Variants in VAPA observed in about 807,000 individuals in gnomAD.
VAPA encodes the protein VAMP associated protein A.
In VAPA, 6 loss-of-function variants were observed where a neutral mutation model predicts 25.6. That is an observed-to-expected ratio of 0.23 (90% CI 0.13 to 0.46). VAPA has a LOEUF of 0.46. Among genes scored for constraint, VAPA ranks in the 20% least tolerant of loss-of-function variants. The probability of loss-of-function intolerance (pLI) is 0.99; values close to 1 mark genes in which losing one functional copy is unlikely to be tolerated. For synonymous variants in VAPA, 112 were observed against 106.2 expected, an observed-to-expected ratio of 1.05 and a Z score of -0.34; for missense variants, 244 against 302.1, an observed-to-expected ratio of 0.81 and a Z score of 1.43.
rs869048248 is a variant in VAPA at position 9,945,350 on chromosome 18, C to CTTTTTTTTT, written c.418-5025_418-5017dup. Among the ~76,000 whole-genome samples, 22 of 57,306 alleles carry CTTTTTTTTT rather than the reference C, an allele frequency of 3.8e-4. 4 individuals are homozygous for CTTTTTTTTT. Among genetic ancestry groups the CTTTTTTTTT allele is most frequent in the African/African-American group, 8.5e-4 (11 of 12,968 alleles). The allele number at this position is 57,306 out of a possible 152,430, so 37.6% of individuals were successfully genotyped here. A position where few individuals can be genotyped will look rare whatever the true frequency, so the allele number is the denominator to read the frequency against. On this transcript the variant is annotated intron_variant, in intron 4 of 5. Coordinates refer to ENST00000400000, the MANE Select transcript of VAPA (RefSeq NM_194434.3). ...TTCTTTGAGATTTGGGGAATATACT[C>CTTTTTTTTT]TTTTTTTTTTTTTTTTTTTTTTTTT...
chr18:9,928,223 CT>C, intron 1 of VAPA, among the ~76,000 whole-genome samples: 1 of 152,240 alleles, frequency 6.6e-6, no homozygotes, highest in South Asian at 2.1e-4. Flanking sequence ...CAGATGTTCA[CT>C]TTGTCATCAA....
At chr18:9,950,737 T>C (rs2069481577) in intron 5 of VAPA, 169 bp downstream of exon 5, 10 of 629,980 alleles carry the variant, frequency 1.6e-5, no homozygotes, top group Admixed American at 3.3e-5. Flanking sequence ...AGTCTTCCCG[T>C]GGTTTCTCAT....
In VAPA at chr18:9,920,261, T is replaced by C. The variant is rs148691737; in HGVS notation, c.79+5926T>C. Among the ~76,000 whole-genome samples the C allele has an allele frequency of 2.5e-3, 381 of 152,304 alleles. 4 individuals are homozygous for C. Among genetic ancestry groups the C allele is most frequent in the African/African-American group, 8.7e-3 (360 of 41,572 alleles). On this transcript the variant is annotated intron_variant, in intron 1 of 5. Transcript: ENST00000400000. ...ATAATTTCCTTACTTCAGGTCCTTT[T>C]ATATTTACTAGTCAGCAGACATCTC...
chr18:9,940,748 C>G (rs936843302), intron 4 of VAPA, among the ~76,000 whole-genome samples: 3 of 152,098 alleles, frequency 2.0e-5, no homozygotes, highest in Non-Finnish European at 2.9e-5. Flanking sequence ...GCTCACTGGC[C>G]TCGTCATTAT....
chr18:9,949,483 A>T (rs143294011), intron 4 of VAPA: 14 of 152,350 alleles, frequency 9.2e-5, no homozygotes, highest in African/African-American at 3.1e-4. Context: ...GTAGGTGTGC[A>T]GCCTCTGATA....
At chr18:9,933,843 A>T (rs541936900) in intron 2 of VAPA, among the ~76,000 whole-genome samples, 2 of 152,152 alleles carry the variant, frequency 1.3e-5, no homozygotes. Context: ...TGGCCAGAAG[A>T]TATAATTATT....
chr18:9,949,511 A>G (rs2069464642), intron 4 of VAPA: 1 of 152,196 alleles, frequency 6.6e-6, no homozygotes, highest in Admixed American at 6.5e-5. Context: ...TAAAATGAGT[A>G]TTGTGGAATG....
Position 9,914,205 on chromosome 18 carries a change from C to A in VAPA, c.-52C>A. ...CGTCGCCGCCGTCGTCCCCCGCCCCCAGTCAGCAAACCGCCGCCGCGGGCG... is the reference window on the plus strand; with the variant it reads ...CGTCGCCGCCGTCGTCCCCCGCCCCAAGTCAGCAAACCGCCGCCGCGGGCG... On this transcript the variant is annotated 5_prime_UTR_variant, in exon 1 of 6. Coordinates refer to ENST00000400000, the MANE Select transcript of VAPA (RefSeq NM_194434.3). 5.3e-6 allele frequency: 8 copies of A among 1,514,362 alleles called. No individual in the cohort carries two copies. Among genetic ancestry groups the A allele is most frequent in the Non-Finnish European group, 6.2e-6 (7 of 1,121,226 alleles). 93.8% of individuals were successfully genotyped at this position (1,514,362 alleles called of 1,614,324 possible).
chr18:9,916,793 T>G (rs757452900), intron 1 of VAPA, among the ~76,000 whole-genome samples: 33 of 152,210 alleles, frequency 2.2e-4, no homozygotes, highest in Non-Finnish European at 4.6e-4. Flanking sequence ...TGAAGGACTT[T>G]TAGAAGACAG....
chr18:9,945,023 A>G (rs1213966228), intron 4 of VAPA: 4 of 1,614,064 alleles, frequency 2.5e-6, no homozygotes, highest in Non-Finnish European at 3.4e-6. Flanking sequence ...GGATGACCCC[A>G]GGGGACTCAG....
At chr18:9,917,426 A>C (rs2069121103) in intron 1 of VAPA, among the ~76,000 whole-genome samples, 1 of 151,986 alleles carries the variant, frequency 6.6e-6, no homozygotes, top group African/African-American at 2.4e-5. Context: ...GAGTAGCTGG[A>C]ACTACAGGCA....
chr18:9,948,285 A>T (rs1036358501), intron 4 of VAPA: 3 of 152,184 alleles, frequency 2.0e-5, no homozygotes, highest in African/African-American at 7.2e-5. Context: ...TCCTATGGAC[A>T]TGTTATTTAA....
At position 9,950,920 on chromosome 18, in the gene VAPA, A is replaced by C. The variant is rs1231510435; in HGVS notation, c.591+352A>C. The C allele has an allele frequency of 1.9e-5, 4 of 211,718 alleles. No homozygotes were observed. The Admixed American group carries it at 2.1e-4, about 11-fold the overall frequency. The allele number at this position is 211,718 out of a possible 1,614,324, so 13.1% of individuals were successfully genotyped here. A position where few individuals can be genotyped will look rare whatever the true frequency, so the allele number is the denominator to read the frequency against. On this transcript the variant is annotated intron_variant, in intron 5 of 5. Transcript: ENST00000400000. ...AGCCATTAGTCACCTAGGGCTGTTG[A>C]GCACTGAAATGGGATTTGTTCAAAT...
Position 9,958,010 on chromosome 18 carries a change from A to G in VAPA, c.*3799A>G, listed in dbSNP as rs1864641941. 2 of 152,354 alleles carry G rather than the reference A, an allele frequency of 1.3e-5. No individual in the cohort carries two copies. The highest frequency in any genetic ancestry group is 2.9e-5 in the Non-Finnish European group (2 of 68,038). 9.4% of individuals were successfully genotyped at this position (152,354 alleles called of 1,614,324 possible). Reference sequence around the variant, plus strand: ...GTATAAACATATATCACTAAGGAAAAAGAAAGTTTGTCTTGCCCTTCTGAC... The same window carrying G: ...GTATAAACATATATCACTAAGGAAAGAGAAAGTTTGTCTTGCCCTTCTGAC... On this transcript the variant is annotated 3_prime_UTR_variant, in exon 6 of 6. Coordinates refer to ENST00000400000, the MANE Select transcript of VAPA (RefSeq NM_194434.3).
At chr18:9,931,096 G>C (rs1052764943) in intron 1 of VAPA, among the ~76,000 whole-genome samples, 1 of 152,054 alleles carries the variant, frequency 6.6e-6, no homozygotes. Flanking sequence ...TAGAACTGTG[G>C]TTATTGTTCC....
Position 9,931,973 on chromosome 18 carries a change from A to C in VAPA, c.232+11A>C, listed in dbSNP as rs1331631569. The C allele has an allele frequency of 1.3e-6, 2 of 1,554,572 alleles. No individual in the cohort carries two copies. Among genetic ancestry groups the C allele is most frequent in the African/African-American group, 2.8e-5 (2 of 72,674 alleles). ...CTGTGACTGTTTCAGGTAGCAAATC[A>C]TGTTCTGAATTTATGTACATTTGAA... On this transcript the variant is annotated intron_variant, in intron 2 of 5. Coordinates refer to ENST00000400000, the MANE Select transcript of VAPA (RefSeq NM_194434.3).
chr18:9,952,579 AAC>A (rs1393470444), intron 5 of VAPA, among the ~76,000 whole-genome samples: 3 of 151,700 alleles, frequency 2.0e-5, no homozygotes, highest in African/African-American at 4.8e-5. Context: ...AAAAAAAAAA[AAC>A]AAAACCCTTG....
In VAPA at chr18:9,958,662, A is replaced by G. The variant is rs1203375212; in HGVS notation, c.*4451A>G. Reference sequence around the variant, plus strand: ...GTAGGTTTTTAAATGCCAAAGGCAGATATGAAGTAGATTTAATTAAGACTT... The same window carrying G: ...GTAGGTTTTTAAATGCCAAAGGCAGGTATGAAGTAGATTTAATTAAGACTT... On this transcript the variant is annotated 3_prime_UTR_variant, in exon 6 of 6. Transcript: ENST00000400000. 1 of 152,080 alleles carries G rather than the reference A, an allele frequency of 6.6e-6. No homozygotes were observed. The highest frequency in any genetic ancestry group is 1.5e-5 in the Non-Finnish European group (1 of 68,008). The allele number at this position is 152,080 out of a possible 1,614,324, so 9.4% of individuals were successfully genotyped here.
At chr18:9,951,560 G>A (rs567742498) in intron 5 of VAPA, among the ~76,000 whole-genome samples, 18 of 152,322 alleles carry the variant, frequency 1.2e-4, no homozygotes, top group East Asian at 3.9e-4. Flanking sequence ...AATGGATGGC[G>A]AAGGAGGACT....
Sources: gnomAD v4.1 joint callset for allele counts (sites outside exome capture counted in the v4.1 genomes callset) on GRCh38, gnomAD v4.1.1 for gene constraint, MANE v1.5 for transcripts, NCBI Gene and HGNC (gene_info 2026-07-23, HGNC 2026-07-21) for gene names.